Variants in PGAP3 observed in about 807,000 individuals in gnomAD.
The protein encoded by PGAP3 is GPI-specific phospholipase A2-like PGAP3.
Under a neutral mutation model 40.3 loss-of-function variants are expected in PGAP3, and 31 were observed. That is an observed-to-expected ratio of 0.77 (90% CI 0.58 to 1.04). PGAP3 has a LOEUF of 1.04. Among genes scored for constraint, PGAP3 ranks in the 50% least tolerant of loss-of-function variants. The pLI, the probability that PGAP3 is intolerant of heterozygous loss-of-function variation, is 0.00. For synonymous variants in PGAP3, 191 were observed against 184.5 expected, an observed-to-expected ratio of 1.04 and a Z score of -0.29; for missense variants, 413 against 423.0, an observed-to-expected ratio of 0.98 and a Z score of 0.21.
At chr17:39,674,371 G>A (rs1472907680) in intron 4 of PGAP3, among the ~76,000 whole-genome samples, 1 of 152,156 alleles carries the variant, frequency 6.6e-6, no homozygotes, top group Non-Finnish European at 1.5e-5. Context: ...CTGGCTGGGT[G>A]CCCCTAAGCA....
At chr17:39,684,479 A>C (rs1347890627) in intron 3 of PGAP3, 118 bp downstream of exon 3, 2 of 1,278,098 alleles carry the variant, frequency 1.6e-6, no homozygotes, top group African/African-American at 3.1e-5. Context: ...CTGCAACTTT[A>C]GCCCTGGGAA....
At chr17:39,684,526 T>A (rs1347279857) in intron 3 of PGAP3, 71 bp downstream of exon 3, 1 of 1,476,760 alleles carries the variant, frequency 6.8e-7, no homozygotes, top group Non-Finnish European at 9.1e-7. Flanking sequence ...CCCTGTTGGG[T>A]GTTAATAGGG....
chr17:39,677,897 G>A (rs996273801), intron 3 of PGAP3, among the ~76,000 whole-genome samples: 4 of 152,224 alleles, frequency 2.6e-5, no homozygotes, highest in South Asian at 2.1e-4. Flanking sequence ...ACACCATGGC[G>A]GTGGGGACAA....
At chr17:39,676,441 G>C (rs749096731) in intron 3 of PGAP3, among the ~76,000 whole-genome samples, 1 of 152,096 alleles carries the variant, frequency 6.6e-6, no homozygotes, top group Non-Finnish European at 1.5e-5. Context: ...GTGTGTGTGC[G>C]GGCAAACATA....
intron 4 of PGAP3, 34 bp downstream of exon 4, chr17:39,674,583 C>G (rs1209454002): frequency 6.5e-7 from 1 of 1,540,496 alleles, no homozygotes. Context: ...CTGGGACCAC[C>G]CTGTGCAGGA....
intron 2 of PGAP3, 133 bp from the exon 3 acceptor site, chr17:39,684,882 G>A: frequency 9.0e-7 from 1 of 1,116,820 alleles, no homozygotes. Flanking sequence ...CAAAGCCTCA[G>A]GTTCAGTACC....
Position 39,674,001 on chromosome 17 carries a change from G to A in PGAP3, c.549C>T (p.Cys183=), listed in dbSNP as rs761150515. The change falls in exon 5 of 8, where the codon TGC becomes TGT. Residue 183 remains cysteine, a synonymous_variant. Coordinates refer to ENST00000300658, the MANE Select transcript of PGAP3 (RefSeq NM_033419.5). The part of the protein sequence containing the change: ...STVILHSIYL[C]CVRTVGLQHP... ...CACCCAGGCAGGCTCACCTGACGCA[G>A]CACAGGTAGATTGAGTGTAGGATGA... 3.0e-5 allele frequency: 49 copies of A among 1,613,888 alleles called. No homozygotes were observed. The highest frequency in any genetic ancestry group is 2.5e-4 in the South Asian group (23 of 91,084).
chr17:39,685,936 G>C lies in PGAP3; in HGVS notation c.265C>G (p.Gln89Glu), dbSNP rs2145147131. 1 of 1,613,200 alleles carries C rather than the reference G, an allele frequency of 6.2e-7. No homozygotes were observed. The highest frequency in any genetic ancestry group is 1.3e-5 in the African/African-American group (1 of 75,014). ...CTCCAACTCACCTTGCCATGGAACT[G>C]AGGCACTTTGTGACCTTCCTGGAGG... Reference protein sequence around the residue: ...LYLQEGHKVPQFHGKWPFSRF... With the variant: ...LYLQEGHKVPEFHGKWPFSRF... Residue 89 changes from glutamine (Q) to glutamate (E), a missense_variant, in exon 2 of 8, where the codon CAG becomes GAG. Coordinates refer to ENST00000300658, the MANE Select transcript of PGAP3 (RefSeq NM_033419.5).
intron 6 of PGAP3, 116 bp from the exon 7 acceptor site, chr17:39,673,371 C>T: frequency 6.5e-7 from 1 of 1,545,740 alleles, no homozygotes; most frequent in Non-Finnish European, 8.8e-7. Context: ...TCCCAGCCTC[C>T]TCTCTCTCCC....
rs1341175449 is a variant in PGAP3, at chr17:39,685,667, C to G, written c.279+255G>C. ...TGCAGTAAGGTGGGCATCTCAACCA[C>G]TCTAAGAGGCCCAGCACCACTCTCT... On this transcript the variant is annotated intron_variant, in intron 2 of 7. Coordinates refer to ENST00000300658, the MANE Select transcript of PGAP3 (RefSeq NM_033419.5). Among the ~76,000 whole-genome samples the G allele has an allele frequency of 2.6e-5, 4 of 152,086 alleles. No homozygotes were observed. The East Asian group carries it at 7.7e-4, about 29-fold the overall frequency.
Position 39,687,856 on chromosome 17 carries a change from C to A in PGAP3, c.159G>T (p.Gln53His). Residue 53 changes from glutamine to histidine, a missense_variant, in exon 1 of 8, where the codon CAG becomes CAT. Coordinates refer to ENST00000300658, the MANE Select transcript of PGAP3 (RefSeq NM_033419.5). ...TACCTGCTAGACTCATGTAGATTGG[C>A]TGGCGGGAGCGGAAGTGATTCAGAG... ...GGALNHFRSR[Q>H]PIYMSLAGWT... 6.7e-7 allele frequency: 1 copy of A among 1,495,502 alleles called. No individual in the cohort carries two copies. Among genetic ancestry groups the A allele is most frequent in the South Asian group, 1.3e-5 (1 of 78,854 alleles). 92.6% of individuals were successfully genotyped at this position (1,495,502 alleles called of 1,614,324 possible). A position where few individuals can be genotyped will look rare whatever the true frequency, so the allele number is the denominator to read the frequency against.
Position 39,673,043 on chromosome 17 carries a change from G to T in PGAP3, c.899+8C>A. The stretch of plus-strand genomic sequence containing the variant: ...GAAGGTGAGCACCAGGCAGGGGGCA[G>T]CACCCACCTGAAAAAGAGGACGTGG... On this transcript the variant is annotated splice_region_variant and intron_variant, in intron 7 of 7. Transcript: ENST00000300658. The T allele has an allele frequency of 6.3e-7, 1 of 1,599,726 alleles. No individual in the cohort carries two copies. The highest frequency in any genetic ancestry group is 8.5e-7 in the Non-Finnish European group (1 of 1,173,542).
At chr17:39,678,952 G>A (rs2057407252) in intron 3 of PGAP3, among the ~76,000 whole-genome samples, 1 of 152,010 alleles carries the variant, frequency 6.6e-6, no homozygotes, top group Non-Finnish European at 1.5e-5. Context: ...TGCTTTTTCT[G>A]TTTTTGTTTT....
rs983552616 is a variant in PGAP3 at position 39,671,821 on chromosome 17, T to A, written c.*982A>T. ...CCTGGCTGTCCGCCCAGGTGGCGCC[T>A]TGGGCAGAGCTGGCGCTCCACAAGT... On this transcript the variant is annotated 3_prime_UTR_variant, in exon 8 of 8. Coordinates refer to ENST00000300658, the MANE Select transcript of PGAP3 (RefSeq NM_033419.5). 2.0e-5 allele frequency: 3 copies of A among 152,394 alleles called. No individual in the cohort carries two copies. The highest frequency in any genetic ancestry group is 7.2e-5 in the African/African-American group (3 of 41,424). 9.4% of individuals were successfully genotyped at this position (152,394 alleles called of 1,614,324 possible).
intron 3 of PGAP3, among the ~76,000 whole-genome samples, chr17:39,683,679 G>A (rs568175519): frequency 2.6e-5 from 4 of 152,242 alleles, no homozygotes; most frequent in South Asian, 2.1e-4. Flanking sequence ...TCCCAAGGCC[G>A]TCACGGTCCA....
intron 3 of PGAP3, among the ~76,000 whole-genome samples, chr17:39,680,757 C>T (rs919076342): frequency 7.2e-5 from 11 of 152,204 alleles, no homozygotes; most frequent in African/African-American, 1.9e-4. Context: ...CTTTAGCCAG[C>T]CATTACATTT....
chr17:39,673,245 G>C lies in PGAP3; in HGVS notation c.705C>G (p.Asn235Lys), dbSNP rs570023228. 2 of 1,559,736 alleles carry C rather than the reference G, an allele frequency of 1.3e-6. No individual in the cohort carries two copies. The highest frequency in any genetic ancestry group is 1.4e-5 in the African/African-American group (1 of 73,412). ...GGCACCAGGCCAGCCACCACACCAC[G>C]TTGACCAGGCCTGGGTGCCAGTGGG... ...LVANVAIGLV[N>K]VVWWLAWCLW... The change falls in exon 7 of 8, where the codon AAC becomes AAG. Residue 235 changes from asparagine to lysine, a missense_variant. Transcript: ENST00000300658.
At chr17:39,679,404 C>T (rs966246788) in intron 3 of PGAP3, among the ~76,000 whole-genome samples, 1 of 152,166 alleles carries the variant, frequency 6.6e-6, no homozygotes, top group African/African-American at 2.4e-5. Context: ...GAAGTGACCC[C>T]TGGCCTCTGG....
At chr17:39,677,253 T>G (rs544435655) in intron 3 of PGAP3, among the ~76,000 whole-genome samples, 1 of 152,200 alleles carries the variant, frequency 6.6e-6, no homozygotes, top group African/African-American at 2.4e-5. Context: ...TGGTCCATAG[T>G]AGGTGCCCAT....
Sources: gnomAD v4.1 joint callset for allele counts (sites outside exome capture counted in the v4.1 genomes callset) on GRCh38, gnomAD v4.1.1 for gene constraint, MANE v1.5 for transcripts, NCBI Gene and HGNC (gene_info 2026-07-23, HGNC 2026-07-21) for gene names.